HGS: variants seen among roughly 807,000 people sequenced by gnomAD.
HGS encodes the protein hepatocyte growth factor-regulated tyrosine kinase substrate, also known as human growth factor-regulated tyrosine kinase substrate.
HGS carries 63 observed loss-of-function variants against 109.7 expected under a neutral mutation model. The observed-to-expected ratio is 0.57, with a 90% CI of 0.47 to 0.71. The LOEUF is 0.71. Among genes scored for constraint, HGS ranks in the 30% least tolerant of loss-of-function variants. HGS has a pLI of 0.00. For synonymous variants in HGS, 546 were observed against 437.3 expected (o/e 1.25, Z -3.10); for missense variants, 995 against 1,068.3 (o/e 0.93, Z 0.96).
chr17:81,690,783 A>C lies in HGS; in HGVS notation c.537+41A>C. ...GGGGGCTCTACAGCCCCGGCCAGACACCAGGTCCCCTGCCGTGCACAAGGC... is the reference window on the plus strand; with the variant it reads ...GGGGGCTCTACAGCCCCGGCCAGACCCCAGGTCCCCTGCCGTGCACAAGGC... On this transcript the variant is annotated intron_variant, in intron 7 of 21. Transcript: ENST00000329138. The C allele has an allele frequency of 1.9e-6, 3 of 1,570,424 alleles. No homozygotes were observed. In the South Asian group the frequency reaches 3.4e-5, roughly 18 times the overall value.
chr17:81,685,570 A>T (rs1460987258), intron 1 of HGS, 35 bp from the exon 2 acceptor site: 2 of 1,547,850 alleles, frequency 1.3e-6, no homozygotes, highest in Admixed American at 1.7e-5. Flanking sequence ...GTCCAGCAGG[A>T]TAACCCCTCC....
chr17:81,698,721 A>T (rs1460176457), intron 18 of HGS, among the ~76,000 whole-genome samples: 2 of 152,172 alleles, frequency 1.3e-5, no homozygotes, highest in African/African-American at 4.8e-5. Flanking sequence ...ACAAGTGCAC[A>T]GTTGTGGGTG....
At position 81,697,041 on chromosome 17, in the gene HGS, T is replaced by G. The variant is rs201577321; in HGVS notation, c.1882+43T>G. The G allele has an allele frequency of 1.8e-4, 266 of 1,496,900 alleles. 1 individual carries two copies. The East Asian group carries it at 5.5e-3, about 31-fold the overall frequency. 92.7% of individuals were successfully genotyped at this position (1,496,900 alleles called of 1,614,324 possible). On this transcript the variant is annotated intron_variant, in intron 18 of 21. Transcript: ENST00000329138. The stretch of plus-strand genomic sequence containing the variant: ...CAGAGACCATGCCTTTTATCCCTCG[T>G]CTTTATTTTAGCCGAATTTACAGAA...
chr17:81,693,840 C>A, intron 10 of HGS, 30 bp from the exon 11 acceptor site: 1 of 1,580,798 alleles, frequency 6.3e-7, no homozygotes. Flanking sequence ...CACGTGCACC[C>A]AAGTGACGCC....
chr17:81,701,265 C>T (rs991187344), intron 21 of HGS, 134 bp downstream of exon 21: 8 of 857,068 alleles, frequency 9.3e-6, no homozygotes, highest in Non-Finnish European at 1.3e-5. Context: ...TACCCGAGGC[C>T]CCTTCTCAGC....
chr17:81,693,715 C>T lies in HGS; in HGVS notation c.803C>T (p.Ala268Val), dbSNP rs1454125209. The change falls in exon 10 of 22, where the codon GCG becomes GTG. Residue 268 changes from alanine (A) to valine (V), a missense_variant. Ala to Val is a moderately conservative substitution (Grantham distance 64). Transcript: ENST00000329138. ...GAGGAGGAGCTGCAGCTGGCCCTGG[C>T]GCTGTCACAGTCAGAGGCGGAGGAG... ...QEEEELQLAL[A>V]LSQSEAEEKE... is the part of the protein sequence containing the mutation. 12 of 1,557,746 alleles carry T rather than the reference C, an allele frequency of 7.7e-6. No homozygotes were observed. Among genetic ancestry groups the T allele is most frequent in the African/African-American group, 1.4e-5 (1 of 73,656 alleles).
In HGS at chr17:81,696,644, G is replaced by A. The variant is rs1474180492; in HGVS notation, c.1604G>A (p.Arg535His). 20 of 1,611,450 alleles carry A rather than the reference G, an allele frequency of 1.2e-5. No homozygotes were observed. Among genetic ancestry groups the A allele is most frequent in the African/African-American group, 2.7e-5 (2 of 74,928 alleles). Residue 535 changes from arginine (R) to histidine (H), a missense_variant, in exon 17 of 22, where the codon CGC becomes CAC. Physicochemically the swap from Arg to His is conservative, Grantham distance 29. Transcript: ENST00000329138. Reference protein sequence around the residue: ...LEVQRQLAIQRLQEQEKERQM... With the variant: ...LEVQRQLAIQHLQEQEKERQM... The stretch of plus-strand genomic sequence containing the variant: ...GTGCAGAGGCAGCTGGCCATCCAGC[G>A]CCTGCAGGAGCAGGAGAAGGAGCGG...
intron 6 of HGS, 168 bp downstream of exon 6, chr17:81,690,402 G>C: frequency 4.0e-6 from 3 of 748,210 alleles, no homozygotes; most frequent in Non-Finnish European, 6.7e-6. Context: ...GTCTCTGCAG[G>C]GCGAGGTGGA....
chr17:81,695,689 C>T, intron 14 of HGS, 97 bp from the exon 15 acceptor site: 1 of 1,100,528 alleles, frequency 9.1e-7, no homozygotes, highest in Non-Finnish European at 1.4e-6. Context: ...GACTCTGCTC[C>T]AGGCTTGAGT....
chr17:81,690,410 G>A, intron 6 of HGS, 176 bp downstream of exon 6: 1 of 713,724 alleles, frequency 1.4e-6, no homozygotes, highest in Non-Finnish European at 2.4e-6. Context: ...AGGGCGAGGT[G>A]GAGACGTGGC....
In HGS at chr17:81,696,011, C is replaced by A. The variant is rs541698870; in HGVS notation, c.1393+12C>A. ...GGACGAGCGCAGGCGTAGGTGCCCG[C>A]GCCACGGGGCCTCGGCTCAGGGGCA... is the stretch of plus-strand genomic sequence containing the variant. On this transcript the variant is annotated intron_variant, in intron 15 of 21. Transcript: ENST00000329138. 3.9e-6 allele frequency: 6 copies of A among 1,536,594 alleles called. No individual in the cohort carries two copies. Among genetic ancestry groups the A allele is most frequent in the African/African-American group, 1.4e-5 (1 of 72,908 alleles).
At chr17:81,701,206 T>A in intron 21 of HGS, 75 bp downstream of exon 21, 1 of 1,300,162 alleles carries the variant, frequency 7.7e-7, no homozygotes, top group Non-Finnish European at 1.1e-6. Flanking sequence ...ATGGGACCCC[T>A]GGCCCCAGTG....
Position 81,697,000 on chromosome 17 carries a change from T to C in HGS, c.1882+2T>C. On this transcript the variant is annotated splice_donor_variant, in intron 18 of 21. Transcript: ENST00000329138. LOFTEE classifies it high-confidence loss of function. ...CCAGCATGCCCAGCACTGCGGCTGG[T>C]AAGGACGGGTCGGGGCAGAGACCAT... 6.3e-7 allele frequency: 1 copy of C among 1,576,768 alleles called. No individual in the cohort carries two copies.
At chr17:81,694,761 G>T in intron 11 of HGS, 54 bp from the exon 12 acceptor site, 1 of 1,612,066 alleles carries the variant, frequency 6.2e-7, no homozygotes, top group Non-Finnish European at 8.5e-7. Flanking sequence ...CCCTGTCCCT[G>T]CCGAAGCAAC....
chr17:81,700,861 TTGA>T lies in HGS; in HGVS notation c.2136+53_2136+55del, dbSNP rs758242339. On this transcript the variant is annotated intron_variant, in intron 20 of 21. Transcript: ENST00000329138. ...GCTGGGGGCCAGGGTGGGGGAGCAGTTGATGATGCTGAGGGTCCTTTGGTGAGG... is the reference window on the plus strand; with the variant it reads ...GCTGGGGGCCAGGGTGGGGGAGCAGTTGATGCTGAGGGTCCTTTGGTGAGG... 5.0e-6 allele frequency: 8 copies of T among 1,589,222 alleles called. No homozygotes were observed. The South Asian group carries it at 6.8e-5, about 13-fold the overall frequency.
At chr17:81,685,759 C>T (rs1042027212) in intron 2 of HGS, 70 bp downstream of exon 2, 16 of 1,186,766 alleles carry the variant, frequency 1.3e-5, no homozygotes, top group Middle Eastern at 4.4e-4. Context: ...GCTTGGTGCC[C>T]GTTGGGTCTC....
chr17:81,701,682 A>T lies in HGS; in HGVS notation c.*64A>T, dbSNP rs2037239987. 6.6e-7 allele frequency: 1 copy of T among 1,505,186 alleles called. No individual in the cohort carries two copies. Among genetic ancestry groups the T allele is most frequent in the Non-Finnish European group, 8.9e-7 (1 of 1,123,354 alleles). The allele number at this position is 1,505,186 out of a possible 1,614,324, so 93.2% of individuals were successfully genotyped here. A position where few individuals can be genotyped will look rare whatever the true frequency, so the allele number is the denominator to read the frequency against. On this transcript the variant is annotated 3_prime_UTR_variant, in exon 22 of 22. Transcript: ENST00000329138. ...GTTCACCTGAAACGCCTCGTCTCTA[A>T]CTGCCGTCGTCCTGCCTCCCTGTCC...
rs1310765028 is a variant in HGS, at chr17:81,696,984, C to T, written c.1868C>T (p.Pro623Leu). Residue 623 changes from proline to leucine, a missense_variant, in exon 18 of 22, where the codon CCC becomes CTC. Physicochemically the swap from Pro to Leu is moderately conservative, Grantham distance 98. Around this residue, in one of 6 missense-constraint regions of HGS, gnomAD observed 326 missense variants for 309.7 expected, o/e 1.05. Transcript: ENST00000329138. ...APAAGPYPSM[P>L]STAADPSMVS... ...GCCGCTGGCCCCTACCCCAGCATGCCCAGCACTGCGGCTGGTAAGGACGGG... is the reference window on the plus strand; with the variant it reads ...GCCGCTGGCCCCTACCCCAGCATGCTCAGCACTGCGGCTGGTAAGGACGGG... The T allele has an allele frequency of 6.3e-7, 1 of 1,591,080 alleles. No individual in the cohort carries two copies. Among genetic ancestry groups the T allele is most frequent in the Non-Finnish European group, 8.5e-7 (1 of 1,171,832 alleles).
At chr17:81,697,604 CTG>C (rs1158529825) in intron 18 of HGS, 2 of 74,134 alleles carry the variant, frequency 2.7e-5, no homozygotes, top group East Asian at 0.012. Flanking sequence ...TGTGAAGTGA[CTG>C]TTTTGCCCTT....
Sources: allele counts gnomAD v4.1 joint callset (sites outside exome capture counted in the v4.1 genomes callset), GRCh38; gene constraint gnomAD v4.1.1; regional missense constraint gnomAD v4.1.1; transcripts MANE v1.5; gene names NCBI Gene and HGNC (gene_info 2026-07-23, HGNC 2026-07-21).